OFD1: variants seen among roughly 807,000 people sequenced by gnomAD.
The protein encoded by OFD1 is centriole and centriolar satellite protein OFD1.
Under a neutral mutation model 81.4 loss-of-function variants are expected in OFD1, and 12 were observed. The observed-to-expected ratio is 0.15, with a 90% CI of 0.09 to 0.24. The LOEUF (loss-of-function observed/expected upper bound fraction) is 0.24, where lower values mean the gene tolerates loss of function less well. Among genes scored for constraint, OFD1 ranks in the 10% least tolerant of loss-of-function variants. The pLI, the probability that OFD1 is intolerant of heterozygous loss-of-function variation, is 1.00. For synonymous variants in OFD1, 256 were observed against 263.7 expected (o/e 0.97, Z 0.28); for missense variants, 685 against 733.9 (o/e 0.93, Z 0.77).
downstream of OFD1, chrX:13,773,045 T>G (rs773554903): frequency 1.7e-6 from 2 of 1,201,913 alleles, no homozygotes; most frequent in Admixed American, 4.4e-5. Flanking sequence ...AAGAGAAGGG[T>G]GAGCATGATG....
At chrX:13,719,039 C>T in the OFD1 span, among the ~76,000 whole-genome samples, 1 of 110,734 alleles carries the variant, frequency 9.0e-6, no homozygotes, top group Non-Finnish European at 1.9e-5. Context: ...CACCTATAAT[C>T]CCAGCTACCT....
At chrX:13,726,150 G>T in the OFD1 span, among the ~76,000 whole-genome samples, 4 of 107,276 alleles carry the variant, frequency 3.7e-5, no homozygotes, top group African/African-American at 1.4e-4. Flanking sequence ...ACCTGAAAGT[G>T]ATGGGGAGAA....
chrX:13,751,881 C>T (rs1260860124), intron 10 of OFD1, among the ~76,000 whole-genome samples: 1 of 112,163 alleles, frequency 8.9e-6, no homozygotes, highest in African/African-American at 3.2e-5. Flanking sequence ...ATCCTCTGCG[C>T]TTCTTATGGC....
At chrX:13,721,668 AGGCACAGCT>A in the OFD1 span, 5 of 111,227 alleles carry the variant, frequency 4.5e-5, no homozygotes, top group African/African-American at 1.6e-4. Flanking sequence ...AAGGAAATCA[AGGCACAGCT>A]GGCACTTTTA....
intron 5 of OFD1, among the ~76,000 whole-genome samples, chrX:13,741,415 C>T (rs2047096364): frequency 8.9e-6 from 1 of 111,936 alleles, no homozygotes; most frequent in South Asian, 3.7e-4. Flanking sequence ...TGTACTTAAC[C>T]GTTGTCTGTC....
chrX:13,744,629 G>A, intron 6 of OFD1, 110 bp downstream of exon 6: 1 of 544,760 alleles, frequency 1.8e-6, no homozygotes, highest in East Asian at 3.7e-5. Flanking sequence ...GAGGGATGCA[G>A]CCGGCAGGCA....
At chrX:13,765,904 G>A (rs980170693) in intron 19 of OFD1, among the ~76,000 whole-genome samples, 1 of 112,142 alleles carries the variant, frequency 8.9e-6, no homozygotes, top group Admixed American at 9.4e-5. Flanking sequence ...TGAGATGCTG[G>A]AGTGGTTAGT....
rs1345954252 is a variant in OFD1, at chrX:13,763,860, G to A, written c.2599+5G>A. 3 of 1,189,444 alleles carry A rather than the reference G, an allele frequency of 2.5e-6. No individual in the cohort carries two copies. The East Asian group carries it at 8.9e-5, about 35-fold the overall frequency. On this transcript the variant is annotated splice_donor_5th_base_variant and intron_variant, in intron 19 of 22. Coordinates refer to ENST00000340096, the MANE Select transcript of OFD1 (RefSeq NM_003611.3). The stretch of plus-strand genomic sequence containing the variant: ...CCCTCTCATATCAGCACCCAAGTAA[G>A]TTCTTTTTTTGAACTAACAGTCAGC...
chrX:13,747,348 G>A (rs2047335280), intron 8 of OFD1, among the ~76,000 whole-genome samples: 1 of 111,677 alleles, frequency 9.0e-6, no homozygotes, highest in African/African-American at 3.3e-5. Context: ...GGGCTCAGCT[G>A]TGGTTGGGGG....
chrX:13,766,638 G>C (rs764598672), intron 19 of OFD1, among the ~76,000 whole-genome samples: 1 of 111,123 alleles, frequency 9.0e-6, no homozygotes, highest in Non-Finnish European at 1.9e-5. Context: ...CTGGAATGGC[G>C]GGGGGAGGGC....
intron 9 of OFD1, among the ~76,000 whole-genome samples, chrX:13,750,478 A>G (rs2047461902): frequency 8.9e-6 from 1 of 112,089 alleles, no homozygotes; most frequent in South Asian, 3.7e-4. Context: ...CTCACCACCC[A>G]TGAACCTACC....
chrX:13,757,355 C>T (rs1423454335), intron 13 of OFD1, among the ~76,000 whole-genome samples: 1 of 111,991 alleles, frequency 8.9e-6, no homozygotes, highest in Non-Finnish European at 1.9e-5. Context: ...TAGAGAGCTC[C>T]TTCTGTGCAC....
At position 13,751,387 on chromosome X, in the gene OFD1, T is replaced by G. The variant is rs1003010469; in HGVS notation, c.1055+19T>G. The G allele has an allele frequency of 1.7e-6, 2 of 1,156,473 alleles. No individual in the cohort carries two copies. Among genetic ancestry groups the G allele is most frequent in the Non-Finnish European group, 1.2e-6 (1 of 848,440 alleles). On this transcript the variant is annotated intron_variant, in intron 10 of 22. Coordinates refer to ENST00000340096, the MANE Select transcript of OFD1 (RefSeq NM_003611.3). ...TTCTAAAGTAATTGTTTAGCATTTT[T>G]AAATAACTAATATGTTTAAATTAAA...
intron 6 of OFD1, among the ~76,000 whole-genome samples, chrX:13,745,263 T>C (rs1360051157): frequency 6.2e-5 from 7 of 112,484 alleles, no homozygotes; most frequent in Non-Finnish European, 1.1e-4. Context: ...TGTTCAGTGG[T>C]GTGAGCCACA....
At chrX:13,756,827 T>C (rs1569142155) in intron 13 of OFD1, 60 bp downstream of exon 13, 6 of 861,381 alleles carry the variant, frequency 7.0e-6, no homozygotes, top group Admixed American at 2.2e-5. Flanking sequence ...AGGTCAGTAT[T>C]ATAAAACTAT....
chrX:13,769,891 A>G (rs2048268597), downstream of OFD1, among the ~76,000 whole-genome samples: 1 of 111,733 alleles, frequency 8.9e-6, no homozygotes, highest in Admixed American at 9.5e-5. Flanking sequence ...AGCCTCTAAA[A>G]CTGTAAGAAA....
chrX:13,767,126 G>C lies in OFD1; in HGVS notation c.2600-1G>C, dbSNP rs1258684357. On this transcript the variant is annotated splice_acceptor_variant, in intron 19 of 22. Transcript: ENST00000340096. LOFTEE classifies it high-confidence loss of function. ...CTACTCTTTATTTTCTGTCCTATTA[G>C]GTGTAGATCAGAAACAAATTGAAGA... 1.7e-6 allele frequency: 2 copies of C among 1,205,172 alleles called. No individual in the cohort carries two copies. Among genetic ancestry groups the C allele is most frequent in the African/African-American group, 1.7e-5 (1 of 57,506 alleles).
At chrX:13,717,037 A>T in the OFD1 span, among the ~76,000 whole-genome samples, 1 of 17,497 alleles carries the variant, frequency 5.7e-5, no homozygotes, top group Non-Finnish European at 9.4e-5. Flanking sequence ...ACTATGTTAA[A>T]AAAAAAAAAA....
Position 13,756,777 on chromosome X carries a change from TTTC to T in OFD1, c.1411+13_1411+15del, listed in dbSNP as rs775311951. The stretch of plus-strand genomic sequence containing the variant: ...CTGCGTCTCCTAAACCGTATGTATT[TTTC>T]TTTTCTTCTGACTTGCGTGTTTTAG... On this transcript the variant is annotated intron_variant, in intron 13 of 22. Coordinates refer to ENST00000340096, the MANE Select transcript of OFD1 (RefSeq NM_003611.3). 4 of 1,174,907 alleles carry T rather than the reference TTTC, an allele frequency of 3.4e-6. No homozygotes were observed. In the African/African-American group the frequency reaches 7.1e-5, roughly 21 times the overall value.
Sources: gnomAD v4.1 joint callset for allele counts (sites outside exome capture counted in the v4.1 genomes callset) on GRCh38, gnomAD v4.1.1 for gene constraint, MANE v1.5 for transcripts, NCBI Gene and HGNC (gene_info 2026-07-23, HGNC 2026-07-21) for gene names.